Variants in CDK13 observed in about 807,000 individuals in gnomAD.
The protein encoded by CDK13 is cyclin-dependent kinase 13.
A neutral mutation model predicts 137.6 loss-of-function variants in CDK13; 40 were observed. The observed-to-expected ratio is 0.29, with a 90% CI of 0.23 to 0.38. The LOEUF is 0.38. CDK13 is among the 10% of genes least tolerant of loss of function. CDK13 has a pLI of 1.00. For missense variants in CDK13, 1,704 were observed against 1,951.8 expected (o/e 0.87, Z 2.39); for synonymous variants, 869 against 760.1 (o/e 1.14, Z -2.36).
intron 1 of CDK13, among the ~76,000 whole-genome samples, chr7:39,961,761 T>A (rs1583910968): frequency 6.6e-6 from 1 of 152,134 alleles, no homozygotes; most frequent in East Asian, 1.9e-4. Flanking sequence ...ACATTAGGTA[T>A]ATCTCCTAAT....
chr7:40,018,803 A>T lies in CDK13; in HGVS notation c.2353+16772A>T, dbSNP rs566503263. Among the ~76,000 whole-genome samples the T allele has an allele frequency of 2.0e-5, 3 of 152,298 alleles. No homozygotes were observed. In the South Asian group the frequency reaches 6.2e-4, roughly 32 times the overall value. ...GTACAGTGTACACTACTCGGGTGAC[A>T]GGGGCACTAAAATTTCATACTTCAC... is the stretch of plus-strand genomic sequence containing the variant. On this transcript the variant is annotated intron_variant, in intron 5 of 13. Coordinates refer to ENST00000181839, the MANE Select transcript of CDK13 (RefSeq NM_003718.5).
At chr7:40,047,472 T>C (rs557247801) in intron 6 of CDK13, among the ~76,000 whole-genome samples, 8 of 152,264 alleles carry the variant, frequency 5.3e-5, no homozygotes, top group Non-Finnish European at 1.2e-4. Flanking sequence ...AAATTTGTCT[T>C]ACTGCTAAGT....
chr7:39,979,982 A>G (rs1469947911), intron 1 of CDK13, among the ~76,000 whole-genome samples: 8 of 152,212 alleles, frequency 5.3e-5, no homozygotes, highest in Admixed American at 5.2e-4. Context: ...TCCAGAAGGA[A>G]CAAAGCTCTG....
At chr7:39,968,868 ACTC>A (rs1783932919) in intron 1 of CDK13, among the ~76,000 whole-genome samples, 1 of 151,870 alleles carries the variant, frequency 6.6e-6, no homozygotes, top group African/African-American at 2.4e-5. Flanking sequence ...GAACCAAACT[ACTC>A]TTACTTCTTA....
intron 5 of CDK13, among the ~76,000 whole-genome samples, chr7:40,009,194 A>G (rs535384585): frequency 1.3e-5 from 2 of 152,366 alleles, no homozygotes; most frequent in African/African-American, 4.8e-5. Flanking sequence ...ATTGATTACC[A>G]AATGGAAGGT....
chr7:40,055,172 G>A (rs1785986358), intron 7 of CDK13, among the ~76,000 whole-genome samples: 1 of 151,714 alleles, frequency 6.6e-6, no homozygotes, highest in African/African-American at 2.4e-5. Flanking sequence ...GTGTGTGTGT[G>A]TGTGTGTGTG....
chr7:40,014,308 C>G (rs1008632569), intron 5 of CDK13, among the ~76,000 whole-genome samples: 2 of 151,916 alleles, frequency 1.3e-5, no homozygotes, highest in African/African-American at 4.8e-5. Context: ...ACCTCGTGAT[C>G]TGCCCGCCTC....
intron 7 of CDK13, chr7:40,061,374 C>G (rs1786144712): frequency 6.6e-6 from 1 of 152,142 alleles, no homozygotes; most frequent in African/African-American, 2.4e-5. Flanking sequence ...TGTGGTAATG[C>G]TATAATGCCC....
chr7:39,982,097 G>A (rs1784238756), intron 1 of CDK13, among the ~76,000 whole-genome samples: 1 of 149,422 alleles, frequency 6.7e-6, no homozygotes, highest in Non-Finnish European at 1.5e-5. Context: ...CATGTGCCAT[G>A]CTGGTGTGCT....
intron 1 of CDK13, among the ~76,000 whole-genome samples, chr7:39,955,570 C>G (rs1787381640): frequency 6.6e-6 from 1 of 152,024 alleles, no homozygotes; most frequent in Non-Finnish European, 1.5e-5. Flanking sequence ...GGTGAAAAAT[C>G]AGCTTCTGCT....
intron 1 of CDK13, among the ~76,000 whole-genome samples, chr7:39,956,062 G>T (rs1159632549): frequency 6.6e-6 from 1 of 151,638 alleles, no homozygotes; most frequent in Non-Finnish European, 1.5e-5. Context: ...GAAAACTATA[G>T]TTCAAAAGTA....
At chr7:39,957,704 A>G (rs17171633) in intron 1 of CDK13, among the ~76,000 whole-genome samples, 3,684 of 152,238 alleles carry the variant, frequency 0.024, 143 homozygotes, top group African/African-American at 0.083. Context: ...TAGTGTTTAT[A>G]TTTGCCCTCT....
chr7:39,951,401 A>T lies in CDK13; in HGVS notation c.760A>T (p.Ser254Cys). ...CGCCAAGAGCGGCAGCAGCAGCAGC[A>T]GCGGCGGCCGCCGGAAAAGCGCTTC... Reference protein sequence around the residue: ...EVAKSGSSSSSGGRRKSASAT... With the variant: ...EVAKSGSSSSCGGRRKSASAT... Residue 254 changes from serine to cysteine, a missense_variant, in exon 1 of 14, where the codon AGC (serine) becomes TGC (cysteine). By Grantham distance (112) the Ser-to-Cys change is moderately radical. Transcript: ENST00000181839. The T allele has an allele frequency of 1.3e-6, 2 of 1,519,268 alleles. No individual in the cohort carries two copies. Among genetic ancestry groups the T allele is most frequent in the Non-Finnish European group, 1.8e-6 (2 of 1,136,134 alleles). The allele number at this position is 1,519,268 out of a possible 1,614,324, so 94.1% of individuals were successfully genotyped here.
intron 5 of CDK13, among the ~76,000 whole-genome samples, chr7:40,011,615 C>T (rs1380681431): frequency 6.6e-6 from 1 of 152,132 alleles, no homozygotes; most frequent in South Asian, 2.1e-4. Flanking sequence ...CCCCTTCATA[C>T]CTCATACAAT....
chr7:39,950,766 C>A lies in CDK13; in HGVS notation c.125C>A (p.Pro42Gln). ...LSPQQPPLLL[P>Q]LLQPQLLQPP... The stretch of plus-strand genomic sequence containing the variant: ...CCTCAGCAGCCGCCGCTGCTGTTGC[C>A]GCTCCTGCAGCCGCAGCTCCTGCAA... The change falls in exon 1 of 14, where the codon CCG (proline) becomes CAG (glutamine). Residue 42 changes from proline to glutamine, a missense_variant. Pro to Gln is a moderately conservative substitution (Grantham distance 76). Around this residue, in one of 5 missense-constraint regions of CDK13, gnomAD observed 1,051 missense variants for 931.0 expected, o/e 1.13. Coordinates refer to ENST00000181839, the MANE Select transcript of CDK13 (RefSeq NM_003718.5). 1 of 1,476,450 alleles carries A rather than the reference C, an allele frequency of 6.8e-7. No individual in the cohort carries two copies. Among genetic ancestry groups the A allele is most frequent in the Non-Finnish European group, 8.9e-7 (1 of 1,121,314 alleles). The allele number at this position is 1,476,450 out of a possible 1,614,324, so 91.5% of individuals were successfully genotyped here.
chr7:39,957,693 C>G (rs1002104732), intron 1 of CDK13, among the ~76,000 whole-genome samples: 1 of 152,038 alleles, frequency 6.6e-6, no homozygotes, highest in African/African-American at 2.4e-5. Context: ...AAATTCAGAC[C>G]TAGTGTTTAT....
chr7:39,989,016 G>A (rs1436426570), intron 2 of CDK13, among the ~76,000 whole-genome samples: 25 of 149,218 alleles, frequency 1.7e-4, no homozygotes, highest in Non-Finnish European at 3.0e-4. Context: ...CCTGGGAGGT[G>A]GAGGTTGCAG....
chr7:40,054,724 C>T (rs1162920489), intron 7 of CDK13, among the ~76,000 whole-genome samples: 1 of 152,188 alleles, frequency 6.6e-6, no homozygotes, highest in African/African-American at 2.4e-5. Context: ...AGCCACGGCA[C>T]CTGGCCTGAC....
At chr7:40,053,751 ATTT>A (rs1435992572) in intron 7 of CDK13, among the ~76,000 whole-genome samples, 1 of 147,234 alleles carries the variant, frequency 6.8e-6, no homozygotes, top group Non-Finnish European at 1.5e-5. Context: ...TATTACCACC[ATTT>A]TTCTTTTTTT....
Sources: gnomAD v4.1 joint callset for allele counts (sites outside exome capture counted in the v4.1 genomes callset) on GRCh38, gnomAD v4.1.1 for gene constraint, gnomAD v4.1.1 regional missense constraint, MANE v1.5 for transcripts, NCBI Gene and HGNC (gene_info 2026-07-23, HGNC 2026-07-21) for gene names.